The following MAPRE2 variants were observed in gnomAD, a reference collection of about 807,000 sequenced individuals.
The protein encoded by MAPRE2 is microtubule associated protein RP/EB family member 2.
Under a neutral mutation model 43.2 loss-of-function variants are expected in MAPRE2, and 13 were observed. The observed-to-expected ratio is 0.30, with a 90% CI of 0.20 to 0.48. The LOEUF (loss-of-function observed/expected upper bound fraction) is 0.48, where lower values mean the gene tolerates loss of function less well. MAPRE2 is among the 20% of genes least tolerant of loss of function. The pLI, the probability that MAPRE2 is intolerant of heterozygous loss-of-function variation, is 0.99. For missense variants in MAPRE2, 161 were observed against 400.2 expected, an observed-to-expected ratio of 0.40 and a Z score of 5.10; for synonymous variants, 135 against 148.8, an observed-to-expected ratio of 0.91 and a Z score of 0.68.
chr18:34,988,412 A>T (rs2097022081), intron 1 of MAPRE2, among the ~76,000 whole-genome samples: 1 of 152,200 alleles, frequency 6.6e-6, no homozygotes, highest in Admixed American at 6.5e-5. Flanking sequence ...TAACTGGGTG[A>T]CTTTAGAGAT....
At chr18:35,066,806 G>C (rs1384409357) in intron 1 of MAPRE2, among the ~76,000 whole-genome samples, 1 of 152,184 alleles carries the variant, frequency 6.6e-6, no homozygotes, top group Non-Finnish European at 1.5e-5. Flanking sequence ...GTTTGGGTTC[G>C]GGGCAAACAT....
chr18:35,110,742 T>G (rs2046252965), intron 4 of MAPRE2, among the ~76,000 whole-genome samples: 1 of 152,154 alleles, frequency 6.6e-6, no homozygotes, highest in South Asian at 2.1e-4. Flanking sequence ...TTGTTTTTCC[T>G]TTTGTTTTAT....
intron 4 of MAPRE2, among the ~76,000 whole-genome samples, chr18:35,114,143 T>C (rs537735872): frequency 4.6e-5 from 7 of 152,198 alleles, no homozygotes; most frequent in African/African-American, 1.7e-4. Context: ...GAATCCATGC[T>C]CTTTCATCAT....
chr18:35,098,035 C>G (rs1252174517), intron 3 of MAPRE2, among the ~76,000 whole-genome samples: 1 of 152,074 alleles, frequency 6.6e-6, no homozygotes, highest in African/African-American at 2.4e-5. Flanking sequence ...ACTAAAAACC[C>G]CTTATTCATG....
At chr18:35,121,403 G>A (rs1909659740) in intron 4 of MAPRE2, among the ~76,000 whole-genome samples, 1 of 152,174 alleles carries the variant, frequency 6.6e-6, no homozygotes, top group African/African-American at 2.4e-5. Context: ...GACTAGCATT[G>A]TAAATCATGT....
At chr18:34,994,160 T>G (rs561627755) in intron 1 of MAPRE2, among the ~76,000 whole-genome samples, 1 of 151,886 alleles carries the variant, frequency 6.6e-6, no homozygotes, top group Non-Finnish European at 1.5e-5. Context: ...GCTGTCCCCA[T>G]GGGGAATGAA....
intron 1 of MAPRE2, among the ~76,000 whole-genome samples, chr18:34,985,732 T>G (rs2097020596): frequency 7.7e-6 from 1 of 129,596 alleles, no homozygotes; most frequent in Non-Finnish European, 1.6e-5. Flanking sequence ...ATGTAATATA[T>G]AAATATATAT....
intron 1 of MAPRE2, among the ~76,000 whole-genome samples, chr18:34,994,228 G>T (rs1344786205): frequency 6.6e-6 from 1 of 151,840 alleles, no homozygotes; most frequent in Non-Finnish European, 1.5e-5. Flanking sequence ...GCTTCTCTAG[G>T]CTCCAAAAAA....
At chr18:35,066,748 T>C (rs980369975) in intron 1 of MAPRE2, among the ~76,000 whole-genome samples, 1 of 152,216 alleles carries the variant, frequency 6.6e-6, no homozygotes, top group African/African-American at 2.4e-5. Flanking sequence ...CCAGGGAAAG[T>C]GAGTCCAGAC....
At chr18:35,089,848 C>T (rs1056772078) in intron 2 of MAPRE2, among the ~76,000 whole-genome samples, 2 of 152,116 alleles carry the variant, frequency 1.3e-5, no homozygotes, top group African/African-American at 4.8e-5. Context: ...CTGTTTGTAG[C>T]ATCATTACTC....
At chr18:34,981,342 C>T (rs2097016103) in intron 1 of MAPRE2, among the ~76,000 whole-genome samples, 1 of 151,424 alleles carries the variant, frequency 6.6e-6, no homozygotes, top group Admixed American at 6.6e-5. Context: ...TTCACCACTG[C>T]ACTCCAGCCT....
At chr18:35,021,534 A>G (rs1039611416) in intron 2 of MAPRE2, among the ~76,000 whole-genome samples, 2 of 152,164 alleles carry the variant, frequency 1.3e-5, no homozygotes, top group Non-Finnish European at 2.9e-5. Flanking sequence ...ATATCCTTAA[A>G]CAGACAAAAA....
chr18:35,105,594 G>A (rs997364920), intron 4 of MAPRE2, among the ~76,000 whole-genome samples: 1 of 152,058 alleles, frequency 6.6e-6, no homozygotes, highest in Admixed American at 6.6e-5. Context: ...GCTATAAAAT[G>A]TATGCACCTT....
intron 1 of MAPRE2, among the ~76,000 whole-genome samples, chr18:34,987,171 AT>A (rs1240387487): frequency 6.6e-6 from 1 of 152,180 alleles, no homozygotes; most frequent in Non-Finnish European, 1.5e-5. Context: ...TCTTTCACCA[AT>A]TTTTTAATAG....
chr18:35,048,499 TTATA>T (rs1290056769), intron 1 of MAPRE2, among the ~76,000 whole-genome samples: 2 of 150,960 alleles, frequency 1.3e-5, no homozygotes, highest in East Asian at 3.9e-4. Context: ...GAAAGTATAA[TTATA>T]TATGTGTTAC....
At chr18:35,118,022 A>G (rs912508539) in intron 4 of MAPRE2, among the ~76,000 whole-genome samples, 4 of 152,144 alleles carry the variant, frequency 2.6e-5, no homozygotes, top group African/African-American at 7.2e-5. Context: ...TGATGGCTAA[A>G]AATAAGCACA....
intron 1 of MAPRE2, among the ~76,000 whole-genome samples, chr18:34,993,992 C>CTTTTTTTTTTTTTTTTTTTTT (rs11301716): frequency 8.3e-6 from 1 of 120,034 alleles, no homozygotes. Context: ...CATGGATTTT[C>CTTTTTTTTTTTTTTTTTTTTT]TTTTTTTTTT....
intron 1 of MAPRE2, among the ~76,000 whole-genome samples, chr18:34,995,606 G>A (rs1375001715): frequency 6.6e-6 from 1 of 152,176 alleles, no homozygotes; most frequent in African/African-American, 2.4e-5. Context: ...TTACCACTGG[G>A]GGCTAGGAAT....
At chr18:34,979,809 T>A (rs1406631068) in intron 1 of MAPRE2, among the ~76,000 whole-genome samples, 1 of 152,196 alleles carries the variant, frequency 6.6e-6, no homozygotes, top group East Asian at 1.9e-4. Context: ...CCTTTAAAAC[T>A]GTCATCCCAA....
Sources: allele counts gnomAD v4.1 joint callset (sites outside exome capture counted in the v4.1 genomes callset), GRCh38; gene constraint gnomAD v4.1.1; transcripts MANE v1.5; gene names NCBI Gene and HGNC (gene_info 2026-07-23, HGNC 2026-07-21).